ROBO2: variants seen among roughly 807,000 people sequenced by gnomAD.
ROBO2 encodes the protein roundabout homolog 2.
A neutral mutation model predicts 160.8 loss-of-function variants in ROBO2; 53 were observed. The observed-to-expected ratio is 0.33, with a 90% CI of 0.26 to 0.41. ROBO2 has a LOEUF of 0.41. ROBO2 is among the 10% of genes least tolerant of loss of function. ROBO2 has a pLI of 1.00. For missense variants in ROBO2, 1,577 were observed against 1,722.4 expected, an observed-to-expected ratio of 0.92 and a Z score of 1.49; for synonymous variants, 664 against 611.7, an observed-to-expected ratio of 1.09 and a Z score of -1.26.
chr3:76,023,956 C>T (rs571700431), intron 2 of ROBO2, among the ~76,000 whole-genome samples: 1 of 151,450 alleles, frequency 6.6e-6, no homozygotes, highest in African/African-American at 2.4e-5. Context: ...ATGCCATAAC[C>T]CACGATCTTA....
At chr3:77,622,701 T>C (rs1388499455) in intron 23 of ROBO2, among the ~76,000 whole-genome samples, 2 of 152,202 alleles carry the variant, frequency 1.3e-5, no homozygotes, top group Non-Finnish European at 2.9e-5. Flanking sequence ...AGAAGTTCAC[T>C]CTACTAGGAA....
chr3:76,746,693 G>C (rs1249037004), intron 2 of ROBO2, among the ~76,000 whole-genome samples: 1 of 152,088 alleles, frequency 6.6e-6, no homozygotes, highest in Non-Finnish European at 1.5e-5. Flanking sequence ...AGGATGTTCA[G>C]GTTTGTTACA....
At chr3:76,799,142 A>G (rs2064000616) in intron 2 of ROBO2, among the ~76,000 whole-genome samples, 1 of 152,016 alleles carries the variant, frequency 6.6e-6, no homozygotes, top group South Asian at 2.1e-4. Flanking sequence ...TGAACCCAGG[A>G]GACGGAGGCT....
intron 2 of ROBO2, among the ~76,000 whole-genome samples, chr3:76,624,021 G>T (rs1414306735): frequency 1.3e-5 from 2 of 151,660 alleles, no homozygotes; most frequent in African/African-American, 4.9e-5. Context: ...TGGGCTGTTG[G>T]TTTTATACAG....
At chr3:75,946,228 A>G (rs1313852530) in intron 2 of ROBO2, among the ~76,000 whole-genome samples, 2 of 152,148 alleles carry the variant, frequency 1.3e-5, no homozygotes, top group Non-Finnish European at 2.9e-5. Flanking sequence ...AATATTGAGT[A>G]GGAAGCATCA....
At chr3:77,091,322 G>T (rs1041222452) in intron 1 of ROBO2, among the ~76,000 whole-genome samples, 2 of 152,072 alleles carry the variant, frequency 1.3e-5, no homozygotes, top group Non-Finnish European at 2.9e-5. Context: ...CGAATGAGTG[G>T]TTACTGACTA....
chr3:77,534,330 A>G (rs1338724602), intron 6 of ROBO2, among the ~76,000 whole-genome samples: 1 of 152,046 alleles, frequency 6.6e-6, no homozygotes, highest in Admixed American at 6.5e-5. Flanking sequence ...AAGTATTTCT[A>G]ATTAGTACTT....
At chr3:76,771,979 G>A (rs1004422121) in intron 2 of ROBO2, among the ~76,000 whole-genome samples, 7 of 150,962 alleles carry the variant, frequency 4.6e-5, no homozygotes, top group African/African-American at 9.7e-5. Flanking sequence ...AAATATTATC[G>A]TTGCTACCAA....
chr3:76,630,979 G>A (rs1460007560), intron 2 of ROBO2, among the ~76,000 whole-genome samples: 2 of 152,108 alleles, frequency 1.3e-5, no homozygotes, highest in South Asian at 4.1e-4. Context: ...AAGTCAGAAA[G>A]TAACCATCCA....
At chr3:76,714,693 T>C (rs1576184100) in intron 2 of ROBO2, among the ~76,000 whole-genome samples, 1 of 152,278 alleles carries the variant, frequency 6.6e-6, no homozygotes, top group South Asian at 2.1e-4. Flanking sequence ...TTTACAAAAT[T>C]AACACCAGAC....
rs35326545 is a variant in ROBO2 at position 76,438,410 on chromosome 3, T to TCACACA, written c.109+500835_109+500840dup. 4.1e-3 allele frequency among the ~76,000 whole-genome samples: 605 copies of TCACACA among 146,296 alleles called. 1 individual carries two copies. Among genetic ancestry groups the TCACACA allele is most frequent in the African/African-American group, 6.6e-3 (267 of 40,296 alleles). On this transcript the variant is annotated intron_variant, in intron 2 of 26. Transcript: ENST00000487694. ...CTTTTTAATTTTTAATGTAATCAGTTCACACACACACACACACACACACAC... is the reference window on the plus strand; with the variant it reads ...CTTTTTAATTTTTAATGTAATCAGTTCACACACACACACACACACACACACACACAC...
At chr3:77,024,713 A>G (rs1578333002) in intron 2 of ROBO2, among the ~76,000 whole-genome samples, 1 of 152,176 alleles carries the variant, frequency 6.6e-6, no homozygotes, top group African/African-American at 2.4e-5. Context: ...AATAAACCAA[A>G]TGAAGAGAGA....
chr3:76,245,658 T>C (rs1220750394), intron 2 of ROBO2, among the ~76,000 whole-genome samples: 1 of 152,168 alleles, frequency 6.6e-6, no homozygotes, highest in Non-Finnish European at 1.5e-5. Context: ...ATTTAAAATT[T>C]TTCTCTAGTC....
At chr3:77,127,951 C>T (rs1442142297) in intron 2 of ROBO2, among the ~76,000 whole-genome samples, 1 of 152,142 alleles carries the variant, frequency 6.6e-6, no homozygotes, top group African/African-American at 2.4e-5. Context: ...AGGCCTCAGA[C>T]AAATTATTTA....
Position 77,446,648 on chromosome 3 carries a change from T to C in ROBO2, c.389-30766T>C, listed in dbSNP as rs116042901. 3.3e-3 allele frequency among the ~76,000 whole-genome samples: 507 copies of C among 152,232 alleles called. 5 individuals are homozygous for C. Among genetic ancestry groups the C allele is most frequent in the African/African-American group, 0.012 (480 of 41,570 alleles). On this transcript the variant is annotated intron_variant, in intron 2 of 25. Transcript: ENST00000461745. ...CTTAAACACTGTATATGGTTTCTAC[T>C]ACAATGAAACTATTCCCACATATTA... is the stretch of plus-strand genomic sequence containing the variant.
intron 1 of ROBO2, among the ~76,000 whole-genome samples, chr3:75,923,293 G>C (rs1360929898): frequency 5.3e-5 from 8 of 152,194 alleles, no homozygotes; most frequent in Admixed American, 5.2e-4. Flanking sequence ...AGATGAACTT[G>C]CTTCCCTAAG....
At chr3:76,882,536 A>G (rs1462895611) in intron 2 of ROBO2, among the ~76,000 whole-genome samples, 1 of 152,130 alleles carries the variant, frequency 6.6e-6, no homozygotes, top group Non-Finnish European at 1.5e-5. Flanking sequence ...TTTCAAGTGA[A>G]AACAGCATTA....
intron 2 of ROBO2, among the ~76,000 whole-genome samples, chr3:77,144,438 C>G (rs145460739): frequency 6.6e-6 from 1 of 152,118 alleles, no homozygotes; most frequent in Admixed American, 6.5e-5. Flanking sequence ...GAATCTGTTC[C>G]GTGCCTGATT....
chr3:76,596,926 A>G (rs2086771961), intron 2 of ROBO2, among the ~76,000 whole-genome samples: 1 of 152,136 alleles, frequency 6.6e-6, no homozygotes, highest in South Asian at 2.1e-4. Flanking sequence ...AAAGTGTTTA[A>G]AGCCCTCTGT....
Sources: allele counts gnomAD v4.1 joint callset (sites outside exome capture counted in the v4.1 genomes callset), GRCh38; gene constraint gnomAD v4.1.1; transcripts MANE v1.5; gene names NCBI Gene and HGNC (gene_info 2026-07-23, HGNC 2026-07-21).